Variants in CCBE1 observed in about 807,000 individuals in gnomAD.
CCBE1 encodes the protein collagen and calcium binding EGF domains 1, also known as collagen and calcium-binding EGF domain-containing protein 1.
Under a neutral mutation model 50.0 loss-of-function variants are expected in CCBE1, and 37 were observed. That is an observed-to-expected ratio of 0.74 (90% CI 0.57 to 0.97). The LOEUF (loss-of-function observed/expected upper bound fraction) is 0.97, where lower values mean the gene tolerates loss of function less well. Ranked by LOEUF, CCBE1 falls within the 50% of genes least tolerant of loss-of-function variation. The pLI is 0.00. For missense variants in CCBE1, 538 were observed against 523.8 expected, an observed-to-expected ratio of 1.03 and a Z score of -0.26; for synonymous variants, 234 against 203.7, an observed-to-expected ratio of 1.15 and a Z score of -1.27.
intron 2 of CCBE1, among the ~76,000 whole-genome samples, chr18:59,485,098 C>A (rs627065): frequency 6.6e-6 from 1 of 151,888 alleles, no homozygotes; most frequent in Admixed American, 6.6e-5. Flanking sequence ...TTCTTAATAC[C>A]CTTCACGTGT....
At chr18:59,539,893 C>T (rs140180117) in intron 2 of CCBE1, among the ~76,000 whole-genome samples, 2,231 of 152,232 alleles carry the variant, frequency 0.015, 22 homozygotes, top group Admixed American at 0.025. Context: ...GTCTTGTTTG[C>T]TTTTGAAAAA....
chr18:59,599,189 A>T (rs2053396699), intron 2 of CCBE1, among the ~76,000 whole-genome samples: 1 of 152,246 alleles, frequency 6.6e-6, no homozygotes, highest in African/African-American at 2.4e-5. Context: ...AAGGAAGAAG[A>T]TGGGAAAAGA....
chr18:59,522,479 T>C (rs1286358013), intron 2 of CCBE1, among the ~76,000 whole-genome samples: 1 of 152,212 alleles, frequency 6.6e-6, no homozygotes, highest in Non-Finnish European at 1.5e-5. Context: ...ACAAGTAAGA[T>C]AATCATGTAC....
At chr18:59,475,274 C>T (rs1314925215) in intron 3 of CCBE1, among the ~76,000 whole-genome samples, 1 of 152,220 alleles carries the variant, frequency 6.6e-6, no homozygotes, top group Non-Finnish European at 1.5e-5. Flanking sequence ...TGGGATAACA[C>T]TGCCAGGCTA....
chr18:59,521,670 T>C (rs1177928142), intron 2 of CCBE1, among the ~76,000 whole-genome samples: 1 of 152,232 alleles, frequency 6.6e-6, no homozygotes, highest in Non-Finnish European at 1.5e-5. Context: ...GAATCAGATA[T>C]CGCCATTGGC....
intron 2 of CCBE1, among the ~76,000 whole-genome samples, chr18:59,519,954 G>C (rs1275719963): frequency 2.0e-5 from 3 of 152,058 alleles, no homozygotes; most frequent in Non-Finnish European, 4.4e-5. Context: ...GCTTGTTTTT[G>C]TCAGGCTTGT....
At chr18:59,590,899 C>T (rs1337750435) in intron 2 of CCBE1, among the ~76,000 whole-genome samples, 1 of 152,134 alleles carries the variant, frequency 6.6e-6, no homozygotes, top group Non-Finnish European at 1.5e-5. Context: ...AAAATTTAAA[C>T]TACAAAAGTG....
intron 2 of CCBE1, among the ~76,000 whole-genome samples, chr18:59,658,200 C>T (rs1211471123): frequency 1.3e-5 from 2 of 148,482 alleles, no homozygotes; most frequent in Non-Finnish European, 1.5e-5. Context: ...TGGTACCTGG[C>T]ACATAAGCAC....
chr18:59,474,824 T>C (rs950885149), intron 3 of CCBE1, among the ~76,000 whole-genome samples: 4 of 152,230 alleles, frequency 2.6e-5, no homozygotes, highest in Non-Finnish European at 5.9e-5. Flanking sequence ...GATTACTGTT[T>C]GTTTTGGTGT....
At chr18:59,598,253 G>A (rs1345396698) in intron 2 of CCBE1, among the ~76,000 whole-genome samples, 1 of 152,154 alleles carries the variant, frequency 6.6e-6, no homozygotes, top group East Asian at 1.9e-4. Context: ...AGGTTAAGTT[G>A]CCAAAATGTC....
At position 59,619,994 on chromosome 18, in the gene CCBE1, C is replaced by A. The variant is rs562000209; in HGVS notation, c.212+76635G>T. 5.3e-5 allele frequency among the ~76,000 whole-genome samples: 8 copies of A among 152,266 alleles called. No individual in the cohort carries two copies. The East Asian group carries it at 1.5e-3, about 29-fold the overall frequency. On this transcript the variant is annotated intron_variant, in intron 2 of 10. Transcript: ENST00000439986. ...GACAAGAGAGGGCGGTATTCCCAGT[C>A]CCATTCAACACTTCCACAGCTTTTG... is the stretch of plus-strand genomic sequence containing the variant.
chr18:59,638,081 C>T (rs2053937794), intron 2 of CCBE1, among the ~76,000 whole-genome samples: 1 of 152,136 alleles, frequency 6.6e-6, no homozygotes, highest in African/African-American at 2.4e-5. Flanking sequence ...TATCGGAAAA[C>T]TGTTTCTCAC....
At chr18:59,538,516 A>C (rs1003663064) in intron 2 of CCBE1, among the ~76,000 whole-genome samples, 10 of 152,232 alleles carry the variant, frequency 6.6e-5, no homozygotes, top group Admixed American at 2.0e-4. Flanking sequence ...TAAGTAACAC[A>C]AATTTGTCAA....
chr18:59,472,573 C>T (rs565670580), intron 3 of CCBE1, among the ~76,000 whole-genome samples: 156 of 152,332 alleles, frequency 1.0e-3, no homozygotes, highest in African/African-American at 3.6e-3. Context: ...TACTCTTGGT[C>T]TTGAACTCCT....
chr18:59,680,226 A>G (rs202107809), intron 2 of CCBE1, among the ~76,000 whole-genome samples: 1 of 73,378 alleles, frequency 1.4e-5, no homozygotes, highest in Non-Finnish European at 2.7e-5. Flanking sequence ...TTTTCAAAAA[A>G]GAAAAAAAAA....
intron 7 of CCBE1, among the ~76,000 whole-genome samples, chr18:59,440,089 C>T (rs1910352258): frequency 6.6e-6 from 1 of 152,190 alleles, no homozygotes; most frequent in Non-Finnish European, 1.5e-5. Context: ...GTTTCTGCAA[C>T]CTCCTTTTTG....
At chr18:59,546,885 C>T (rs773115589) in intron 2 of CCBE1, among the ~76,000 whole-genome samples, 11 of 152,022 alleles carry the variant, frequency 7.2e-5, no homozygotes, top group Non-Finnish European at 1.3e-4. Flanking sequence ...GGAGCTTGGC[C>T]ATTCTTTTTC....
intron 2 of CCBE1, among the ~76,000 whole-genome samples, chr18:59,561,205 T>C (rs117528244): frequency 6.6e-6 from 1 of 152,336 alleles, no homozygotes; most frequent in East Asian, 1.9e-4. Context: ...TCAAAGCTCA[T>C]GTATGTAATG....
intron 2 of CCBE1, among the ~76,000 whole-genome samples, chr18:59,559,618 G>A (rs749323171): frequency 6.6e-6 from 1 of 152,196 alleles, no homozygotes; most frequent in East Asian, 1.9e-4. Context: ...TAACAGAACT[G>A]GCCAAGGTCC....
Sources: gnomAD v4.1 joint callset for allele counts (sites outside exome capture counted in the v4.1 genomes callset) on GRCh38, gnomAD v4.1.1 for gene constraint, MANE v1.5 for transcripts, NCBI Gene and HGNC (gene_info 2026-07-23, HGNC 2026-07-21) for gene names.